Variants in APH1B observed in about 807,000 individuals in gnomAD.
APH1B encodes gamma-secretase subunit APH-1B.
Under a neutral mutation model 28.2 loss-of-function variants are expected in APH1B, and 27 were observed. The observed-to-expected ratio is 0.96, with a 90% CI of 0.70 to 1.32. The LOEUF (loss-of-function observed/expected upper bound fraction) is 1.32, where lower values mean the gene tolerates loss of function less well. Among genes scored for constraint, APH1B ranks in the 40% most tolerant of loss-of-function variants. The pLI is 0.00. For synonymous variants in APH1B, 141 were observed against 124.6 expected (o/e 1.13, Z -0.88); for missense variants, 305 against 313.6 (o/e 0.97, Z 0.21).
chr15:63,287,610 C>T (rs757605605), intron 4 of APH1B, 64 bp downstream of exon 4: 107 of 1,554,756 alleles, frequency 6.9e-5, no homozygotes, highest in Middle Eastern at 1.7e-4. Flanking sequence ...TATTGGGGTT[C>T]ACTGGCTTAG....
At chr15:63,296,018 G>A (rs1485552065) in intron 4 of APH1B, among the ~76,000 whole-genome samples, 2 of 152,134 alleles carry the variant, frequency 1.3e-5, no homozygotes, top group South Asian at 2.1e-4. Flanking sequence ...TCTTAGAGAA[G>A]GTTATTTGAT....
intron 4 of APH1B, among the ~76,000 whole-genome samples, chr15:63,301,821 C>T (rs761140835): frequency 2.0e-5 from 3 of 152,086 alleles, no homozygotes; most frequent in Non-Finnish European, 2.9e-5. Flanking sequence ...CCATGTTGGC[C>T]AGCTGGTCTC....
At position 63,302,421 on chromosome 15, in the gene APH1B, G is replaced by GT. The variant is rs1413727813; in HGVS notation, c.556dup (p.Trp186LeufsTer88). On this transcript the variant is annotated frameshift_variant, in exon 5 of 6. Transcript: ENST00000261879. LOFTEE classifies it high-confidence loss of function. ...TTTTTGATGGCTGTGAGAAGAAAAA[G>GT]TGGGGCATCCTCCTTATCGTTCTCC... 2 of 1,614,126 alleles carry GT rather than the reference G, an allele frequency of 1.2e-6. No individual in the cohort carries two copies. Among genetic ancestry groups the GT allele is most frequent in the East Asian group, 2.2e-5 (1 of 44,882 alleles).
rs1224412217 is a variant in APH1B at position 63,277,673 on chromosome 15, C to G, written c.50C>G (p.Ala17Gly). The G allele has an allele frequency of 6.2e-7, 1 of 1,610,620 alleles. No individual in the cohort carries two copies. Among genetic ancestry groups the G allele is most frequent in the Non-Finnish European group, 8.5e-7 (1 of 1,178,588 alleles). ...TGCGCCTTCATTGCCTTCGGGCCTG[C>G]GCTCGCCCTTTATGTCTTCACCATC... ...FGCAFIAFGP[A>G]LALYVFTIAT... Residue 17 changes from alanine to glycine, a missense_variant, in exon 1 of 6, where the codon GCG becomes GGG. Transcript: ENST00000261879.
Position 63,277,678 on chromosome 15 carries a change from G to A in APH1B, c.55G>A (p.Ala19Thr), listed in dbSNP as rs2038338300. The change falls in exon 1 of 6, where the codon GCC becomes ACC. Residue 19 changes from alanine to threonine, a missense_variant. Physicochemically the swap from Ala to Thr is moderately conservative, Grantham distance 58. Transcript: ENST00000261879. ...CAFIAFGPAL[A>T]LYVFTIATEP... is the part of the protein sequence containing the mutation. ...CTTCATTGCCTTCGGGCCTGCGCTC[G>A]CCCTTTATGTCTTCACCATCGCCAC... The A allele has an allele frequency of 1.9e-6, 3 of 1,610,180 alleles. No homozygotes were observed. Among genetic ancestry groups the A allele is most frequent in the South Asian group, 1.1e-5 (1 of 90,870 alleles).
At position 63,304,190 on chromosome 15, in the gene APH1B, C is replaced by T. The variant is rs1012779513; in HGVS notation, c.607-1424C>T. ...GGTTGAGCCCCATGTTGTGTGGCTC[C>T]GTTGACAGAAATACCAAAAGGCAGC... On this transcript the variant is annotated intron_variant, in intron 5 of 5. Transcript: ENST00000261879. This position sits in a 1 kb window ranked among gnomAD's most constrained non-coding sequence, Gnocchi z 5.1. Among the ~76,000 whole-genome samples, 5 of 152,082 alleles carry T rather than the reference C, an allele frequency of 3.3e-5. 1 individual carries two copies. Among genetic ancestry groups the T allele is most frequent in the East Asian group, 1.9e-4 (1 of 5,204 alleles).
chr15:63,283,875 G>A (rs1278895722), intron 2 of APH1B, among the ~76,000 whole-genome samples: 1 of 152,126 alleles, frequency 6.6e-6, no homozygotes, highest in Non-Finnish European at 1.5e-5. Flanking sequence ...ATGGTGTAAG[G>A]TAATGGTCCA....
At chr15:63,291,601 A>T (rs769464643) in intron 4 of APH1B, 30 of 152,238 alleles carry the variant, frequency 2.0e-4, no homozygotes, top group Non-Finnish European at 3.4e-4. Flanking sequence ...GGCCTGTGGG[A>T]TATGACTGAA....
intron 4 of APH1B, among the ~76,000 whole-genome samples, chr15:63,294,394 G>A (rs954019470): frequency 2.6e-5 from 4 of 152,104 alleles, no homozygotes; most frequent in African/African-American, 9.7e-5. Context: ...TTGGGAATTT[G>A]GCCTGGGAAT....
At position 63,304,815 on chromosome 15, in the gene APH1B, T is replaced by C. The variant is rs2038669564; in HGVS notation, c.607-799T>C. Among the ~76,000 whole-genome samples, 1 of 152,190 alleles carries C rather than the reference T, an allele frequency of 6.6e-6. No homozygotes were observed. Among genetic ancestry groups the C allele is most frequent in the Non-Finnish European group, 1.5e-5 (1 of 68,028 alleles). On this transcript the variant is annotated intron_variant, in intron 5 of 5. Transcript: ENST00000261879. The surrounding 1 kb of genome is among the most constrained non-coding windows in gnomAD (Gnocchi z 5.1). ...CAGCACTCTGTAAAATGAGTTAAAA[T>C]TCAGTGGATTTGAGGTATAGAATTA...
intron 5 of APH1B, among the ~76,000 whole-genome samples, chr15:63,303,215 G>A (rs2038651117): frequency 6.6e-6 from 1 of 152,204 alleles, no homozygotes; most frequent in Non-Finnish European, 1.5e-5. Context: ...GCACCTAGAT[G>A]AAAATCAAAA....
chr15:63,306,326 A>G lies in APH1B; in HGVS notation c.*545A>G, dbSNP rs1475091848. 6.6e-6 allele frequency: 1 copy of G among 152,510 alleles called. No individual in the cohort carries two copies. Among genetic ancestry groups the G allele is most frequent in the Non-Finnish European group, 1.5e-5 (1 of 68,290 alleles). The allele number at this position is 152,510 out of a possible 1,614,324, so 9.4% of individuals were successfully genotyped here. On this transcript the variant is annotated 3_prime_UTR_variant, in exon 6 of 6. Coordinates refer to ENST00000261879, the MANE Select transcript of APH1B (RefSeq NM_031301.4). ...CTTCACCATCTTAGGAGAACACGGT[A>G]GGTTGGGCTTCTAAATGCAATAATA...
chr15:63,278,271 T>G, intron 1 of APH1B: 1 of 454,118 alleles, frequency 2.2e-6, no homozygotes, highest in African/African-American at 2.0e-5. Context: ...AAGCTCCTTT[T>G]GGATGGTTCC....
chr15:63,298,194 A>G (rs1368084975), intron 4 of APH1B, among the ~76,000 whole-genome samples: 2 of 152,064 alleles, frequency 1.3e-5, no homozygotes, highest in African/African-American at 4.8e-5. Flanking sequence ...ATGAAGAGAA[A>G]TGCATTTTTG....
At chr15:63,282,045 T>C (rs1274886394) in intron 2 of APH1B, among the ~76,000 whole-genome samples, 1 of 152,222 alleles carries the variant, frequency 6.6e-6, no homozygotes, top group Non-Finnish European at 1.5e-5. Flanking sequence ...TTTACGAGCC[T>C]TTAGAATATT....
chr15:63,286,243 C>T (rs2152594567), intron 2 of APH1B, among the ~76,000 whole-genome samples: 1 of 152,278 alleles, frequency 6.6e-6, no homozygotes, highest in African/African-American at 2.4e-5. Context: ...TAAATATTTG[C>T]CGAGTTCAGC....
At chr15:63,289,354 T>C (rs1260053191) in intron 4 of APH1B, among the ~76,000 whole-genome samples, 7 of 152,252 alleles carry the variant, frequency 4.6e-5, no homozygotes, top group Non-Finnish European at 1.0e-4. Flanking sequence ...TTATAACTAC[T>C]TGTAATTACC....
intron 1 of APH1B, among the ~76,000 whole-genome samples, chr15:63,278,900 G>A (rs924659792): frequency 7.9e-5 from 12 of 152,330 alleles, no homozygotes; most frequent in African/African-American, 2.4e-4. Context: ...GTCTGCAGAT[G>A]TACTTGCAAG....
chr15:63,284,714 CTG>C (rs1488765179), intron 2 of APH1B, among the ~76,000 whole-genome samples: 5 of 152,186 alleles, frequency 3.3e-5, no homozygotes, highest in Admixed American at 6.5e-5. Context: ...CAACAGATAA[CTG>C]TATTTTATTT....
Sources: gnomAD v4.1 joint callset for allele counts (sites outside exome capture counted in the v4.1 genomes callset) on GRCh38, gnomAD v4.1.1 for gene constraint, Gnocchi (gnomAD v3.1) non-coding constraint, MANE v1.5 for transcripts, NCBI Gene and HGNC (gene_info 2026-07-23, HGNC 2026-07-21) for gene names.